The following MYO16 variants were observed in gnomAD, a reference collection of about 807,000 sequenced individuals.
MYO16 encodes myosin XVI.
Under a neutral mutation model 205.3 loss-of-function variants are expected in MYO16, and 94 were observed. That is an observed-to-expected ratio of 0.46 (90% confidence interval 0.39 to 0.54). MYO16 has a LOEUF of 0.54. Among genes scored for constraint, MYO16 ranks in the 20% least tolerant of loss-of-function variants. MYO16 has a pLI of 0.00. For missense variants in MYO16, 2,315 were observed against 2,387.5 expected (o/e 0.97, Z 0.63); for synonymous variants, 988 against 954.0 (o/e 1.04, Z -0.66).
At chr13:108,965,219 C>T (rs112696365) in intron 20 of MYO16, among the ~76,000 whole-genome samples, 1 of 152,136 alleles carries the variant, frequency 6.6e-6, no homozygotes, top group South Asian at 2.1e-4. Context: ...TTTTATAAAT[C>T]CAGGAAGAAG....
At chr13:108,907,701 T>C (rs1881055770) in intron 15 of MYO16, among the ~76,000 whole-genome samples, 1 of 152,226 alleles carries the variant, frequency 6.6e-6, no homozygotes, top group Admixed American at 6.5e-5. Flanking sequence ...AGCAATTTTA[T>C]TCACTGCTGG....
At chr13:108,525,755 G>A in the MYO16 span, among the ~76,000 whole-genome samples, 5 of 152,130 alleles carry the variant, frequency 3.3e-5, no homozygotes, top group African/African-American at 1.2e-4. Context: ...AGGGTTTCAC[G>A]AGAATCCTAA....
intron 4 of MYO16, among the ~76,000 whole-genome samples, chr13:108,766,969 A>T (rs2139667720): frequency 6.6e-6 from 1 of 152,266 alleles, no homozygotes; most frequent in African/African-American, 2.4e-5. Flanking sequence ...CTAAGTAGGG[A>T]ATTGCCTGGA....
chr13:109,116,444 C>T (rs1207420596), intron 28 of MYO16, among the ~76,000 whole-genome samples: 1 of 152,100 alleles, frequency 6.6e-6, no homozygotes, highest in African/African-American at 2.4e-5. Flanking sequence ...CAACGCTGCT[C>T]CTTCCCAGCC....
intron 27 of MYO16, among the ~76,000 whole-genome samples, chr13:109,096,436 C>T (rs1888779193): frequency 6.6e-6 from 1 of 152,186 alleles, no homozygotes; most frequent in African/African-American, 2.4e-5. Flanking sequence ...CTAAACATCA[C>T]ATTCACTTAT....
At chr13:108,676,334 T>C (rs1566544068) in intron 2 of MYO16, among the ~76,000 whole-genome samples, 1 of 151,970 alleles carries the variant, frequency 6.6e-6, no homozygotes, top group East Asian at 1.9e-4. Flanking sequence ...GCAATATTTT[T>C]ATTCATTGTT....
the MYO16 span, among the ~76,000 whole-genome samples, chr13:108,528,764 C>T: frequency 7.0e-6 from 1 of 142,632 alleles, no homozygotes; most frequent in African/African-American, 2.6e-5. Flanking sequence ...TGCCTCCCCT[C>T]TCCCCTCCTG....
intron 1 of MYO16, among the ~76,000 whole-genome samples, chr13:108,649,556 T>C (rs1036921962): frequency 6.6e-6 from 1 of 152,204 alleles, no homozygotes; most frequent in Non-Finnish European, 1.5e-5. Context: ...ATGGAAGATA[T>C]ATGGAAAAAG....
At chr13:108,798,825 C>T (rs945931670) in intron 6 of MYO16, among the ~76,000 whole-genome samples, 32 of 146,926 alleles carry the variant, frequency 2.2e-4, no homozygotes, top group Admixed American at 4.8e-4. Flanking sequence ...CCTGCCTCAG[C>T]CTCCCGAGTA....
the MYO16 span, among the ~76,000 whole-genome samples, chr13:108,578,878 C>T: frequency 6.7e-6 from 1 of 149,508 alleles, no homozygotes; most frequent in African/African-American, 2.4e-5. Flanking sequence ...ATTTATTATA[C>T]ATTATAATTA....
chr13:108,662,757 C>A (rs1881560705), intron 1 of MYO16, among the ~76,000 whole-genome samples: 1 of 152,112 alleles, frequency 6.6e-6, no homozygotes, highest in Non-Finnish European at 1.5e-5. Flanking sequence ...GTCTGCATGC[C>A]TGATTCACAC....
intron 5 of MYO16, among the ~76,000 whole-genome samples, chr13:108,793,285 C>CA (rs756851025): frequency 0.097 from 9,494 of 98,074 alleles, 381 homozygotes; most frequent in Non-Finnish European, 0.11. Context: ...GACTCTGTCT[C>CA]AAAAAAAAAA....
intron 4 of MYO16, among the ~76,000 whole-genome samples, chr13:108,738,489 G>T (rs1238977518): frequency 6.6e-6 from 1 of 152,190 alleles, no homozygotes; most frequent in Non-Finnish European, 1.5e-5. Context: ...TGATTGCACT[G>T]TGGTCTGAGA....
Position 108,665,986 on chromosome 13 carries a change from G to A in MYO16, c.129G>A (p.Lys43=). Reference sequence around the variant, plus strand: ...TTGGCCAACGGCAGCGTCTAGTGAAGCGCATGCGCTGTGAGCAAATCAAAG... The same window carrying A: ...TTGGCCAACGGCAGCGTCTAGTGAAACGCATGCGCTGTGAGCAAATCAAAG... ...LPLGQRQRLV[K]RMRCEQIKAY... Residue 43 remains lysine, a synonymous_variant, in exon 2 of 35, where the codon AAG becomes AAA. Transcript: ENST00000457511. The A allele has an allele frequency of 6.2e-7, 1 of 1,614,158 alleles. No homozygotes were observed. The highest frequency in any genetic ancestry group is 8.5e-7 in the Non-Finnish European group (1 of 1,180,000).
intron 2 of MYO16, among the ~76,000 whole-genome samples, chr13:108,706,342 G>T (rs1926523): frequency 0.76 from 114,933 of 152,076 alleles, 43,678 homozygotes; most frequent in East Asian, 0.98. Flanking sequence ...AGCAAAGAAA[G>T]GCCTAAGAGA....
At chr13:108,815,507 C>T (rs1483198550) in intron 7 of MYO16, among the ~76,000 whole-genome samples, 1 of 152,152 alleles carries the variant, frequency 6.6e-6, no homozygotes, top group East Asian at 1.9e-4. Context: ...AGGGGAGGGA[C>T]CATTAACCAA....
intron 11 of MYO16, among the ~76,000 whole-genome samples, chr13:108,856,676 T>C (rs1350801970): frequency 2.0e-5 from 3 of 152,168 alleles, no homozygotes; most frequent in African/African-American, 7.2e-5. Flanking sequence ...TGGAAGACCA[T>C]TGCCTAATTT....
intron 34 of MYO16, among the ~76,000 whole-genome samples, chr13:109,200,847 A>C (rs1880365207): frequency 6.6e-6 from 1 of 152,122 alleles, no homozygotes; most frequent in South Asian, 2.1e-4. Context: ...GGTCACATCT[A>C]GTATATTTTG....
intron 1 of MYO16, among the ~76,000 whole-genome samples, chr13:108,630,669 C>T (rs1411051156): frequency 1.3e-5 from 2 of 152,184 alleles, no homozygotes. Flanking sequence ...CTTAAAGTGA[C>T]AGATGACATT....
Sources: gnomAD v4.1 joint callset for allele counts (sites outside exome capture counted in the v4.1 genomes callset) on GRCh38, gnomAD v4.1.1 for gene constraint, MANE v1.5 for transcripts, NCBI Gene and HGNC (gene_info 2026-07-23, HGNC 2026-07-21) for gene names.